The following MAP1B variants were observed in gnomAD, a reference collection of about 807,000 sequenced individuals.
The protein encoded by MAP1B is microtubule associated protein 1B, also known as microtubule-associated protein 1B.
In MAP1B, 12 loss-of-function variants were observed where a neutral mutation model predicts 176.1. That is an observed-to-expected ratio of 0.07 (90% CI 0.04 to 0.11). MAP1B has a LOEUF of 0.11. MAP1B is among the 10% of genes least tolerant of loss of function. MAP1B has a pLI of 1.00. For synonymous variants in MAP1B, 1,044 were observed against 1,135.0 expected (o/e 0.92, Z 1.61); for missense variants, 2,523 against 2,990.5 (o/e 0.84, Z 3.65).
chr5:72,157,513 G>A (rs901674480), intron 2 of MAP1B, among the ~76,000 whole-genome samples: 2 of 152,230 alleles, frequency 1.3e-5, no homozygotes, highest in African/African-American at 4.8e-5. Context: ...ATGGAGATGG[G>A]ATTCCCGGGG....
chr5:72,160,087 T>C (rs565431960), intron 2 of MAP1B, among the ~76,000 whole-genome samples: 1 of 152,298 alleles, frequency 6.6e-6, no homozygotes, highest in South Asian at 2.1e-4. Flanking sequence ...CATTCCTTTA[T>C]CTTCTTCCCC....
chr5:72,168,522 A>G (rs1746473808), intron 2 of MAP1B, among the ~76,000 whole-genome samples: 1 of 152,254 alleles, frequency 6.6e-6, no homozygotes, highest in Admixed American at 6.5e-5. Context: ...CCAATGGAGA[A>G]TAATGCAAGA....
At chr5:72,122,502 G>A (rs1296370964) in intron 2 of MAP1B, among the ~76,000 whole-genome samples, 1 of 152,070 alleles carries the variant, frequency 6.6e-6, no homozygotes, top group East Asian at 1.9e-4. Flanking sequence ...ACATACAAGG[G>A]AATTTTTTCC....
At chr5:72,193,014 T>C (rs571307751) in intron 4 of MAP1B, among the ~76,000 whole-genome samples, 4 of 152,338 alleles carry the variant, frequency 2.6e-5, no homozygotes, top group Admixed American at 2.6e-4. Flanking sequence ...CTGAAAAGAA[T>C]GGGAGCAGTA....
intron 2 of MAP1B, among the ~76,000 whole-genome samples, chr5:72,152,740 T>G (rs1277770432): frequency 6.6e-6 from 1 of 152,206 alleles, no homozygotes; most frequent in Admixed American, 6.5e-5. Context: ...GGCCCCATGG[T>G]ATTTTTATAG....
chr5:72,138,184 G>A (rs1477446350), intron 2 of MAP1B, among the ~76,000 whole-genome samples: 4 of 152,142 alleles, frequency 2.6e-5, no homozygotes, highest in Admixed American at 2.0e-4. Context: ...AGAAAAATAG[G>A]TGTAGGATAT....
chr5:72,165,280 T>C (rs755123565), intron 2 of MAP1B, among the ~76,000 whole-genome samples: 1 of 152,172 alleles, frequency 6.6e-6, no homozygotes, highest in Non-Finnish European at 1.5e-5. Context: ...CTGCCCCTAC[T>C]AGAATGGAAG....
rs1279068604 is a variant in MAP1B, at chr5:72,197,155, T to C, written c.3800T>C (p.Leu1267Ser). ...CTGAGTCCATCTCCACCATCACCCT[T>C]AGAAAAGACCCCCCTGGGTGAACGT... ...PSLSPSPPSP[L>S]EKTPLGERSV... Residue 1267 changes from leucine to serine, a missense_variant, in exon 5 of 7, where the codon TTA (leucine) becomes TCA (serine). Transcript: ENST00000296755. The C allele has an allele frequency of 1.2e-6, 2 of 1,614,164 alleles. No homozygotes were observed. Among genetic ancestry groups the C allele is most frequent in the Admixed American group, 3.3e-5 (2 of 60,020 alleles).
chr5:72,190,337 G>A (rs932736671), intron 4 of MAP1B, among the ~76,000 whole-genome samples: 1 of 152,154 alleles, frequency 6.6e-6, no homozygotes, highest in Non-Finnish European at 1.5e-5. Flanking sequence ...CCATGCCAAT[G>A]AGGTACCTTG....
intron 2 of MAP1B, among the ~76,000 whole-genome samples, chr5:72,134,246 G>C (rs1745789942): frequency 6.6e-6 from 1 of 152,162 alleles, no homozygotes; most frequent in African/African-American, 2.4e-5. Context: ...CTGAATCCAT[G>C]GTCAGTGAAG....
At chr5:72,182,511 T>A (rs1204303431) in intron 2 of MAP1B, among the ~76,000 whole-genome samples, 1 of 152,226 alleles carries the variant, frequency 6.6e-6, no homozygotes, top group East Asian at 1.9e-4. Context: ...ATTTGGCCAT[T>A]GTGAATAATG....
chr5:72,180,614 G>A (rs1166815425), intron 2 of MAP1B, among the ~76,000 whole-genome samples: 1 of 152,152 alleles, frequency 6.6e-6, no homozygotes, highest in Non-Finnish European at 1.5e-5. Context: ...TTTCTTTCCT[G>A]TGGTTTATTC....
At chr5:72,177,170 G>C (rs1285321870) in intron 2 of MAP1B, among the ~76,000 whole-genome samples, 1 of 152,178 alleles carries the variant, frequency 6.6e-6, no homozygotes, top group African/African-American at 2.4e-5. Context: ...GGCTGAGGTA[G>C]GTTTTTGCTC....
Position 72,197,743 on chromosome 5 carries a change from C to T in MAP1B, c.4388C>T (p.Thr1463Ile). 2 of 1,614,162 alleles carry T rather than the reference C, an allele frequency of 1.2e-6. No individual in the cohort carries two copies. Among genetic ancestry groups the T allele is most frequent in the Non-Finnish European group, 1.7e-6 (2 of 1,180,030 alleles). The change falls in exon 5 of 7, where the codon ACA becomes ATA. Residue 1463 changes from threonine to isoleucine, a missense_variant. By Grantham distance (89) the Thr-to-Ile change is moderately conservative. This residue lies in a region of MAP1B where 1,925 missense variants were observed against 2,126.0 expected (regional missense o/e 0.91). Transcript: ENST00000296755. ...CAAGACAAACAGGAAGGGAAAAGCA[C>T]AGACTTTGCACCAATAAAAGAAGAC... Reference protein sequence around the residue: ...LYQDKQEGKSTDFAPIKEDFG... With the variant: ...LYQDKQEGKSIDFAPIKEDFG...
chr5:72,147,085 C>G (rs1307145849), intron 2 of MAP1B, among the ~76,000 whole-genome samples: 4 of 151,824 alleles, frequency 2.6e-5, no homozygotes, highest in Admixed American at 6.6e-5. Context: ...CTCAGCCTCC[C>G]AAGTAGCTGG....
intron 1 of MAP1B, among the ~76,000 whole-genome samples, chr5:72,109,080 A>G (rs1357406576): frequency 1.3e-5 from 2 of 152,000 alleles, no homozygotes; most frequent in Non-Finnish European, 2.9e-5. Flanking sequence ...CGAAAGAAAA[A>G]CCTTGTTTTA....
intron 2 of MAP1B, among the ~76,000 whole-genome samples, chr5:72,181,570 G>C (rs1279798509): frequency 6.6e-6 from 1 of 151,964 alleles, no homozygotes; most frequent in Admixed American, 6.6e-5. Flanking sequence ...ATTTTATCAA[G>C]TTTTTGAGAC....
chr5:72,131,451 C>T (rs1476257988), intron 2 of MAP1B, among the ~76,000 whole-genome samples: 1 of 152,140 alleles, frequency 6.6e-6, no homozygotes, highest in African/African-American at 2.4e-5. Flanking sequence ...GTTATAATAG[C>T]ACATTTCTGA....
chr5:72,177,401 T>C (rs1403480684), intron 2 of MAP1B, among the ~76,000 whole-genome samples: 6 of 149,116 alleles, frequency 4.0e-5, no homozygotes, highest in Admixed American at 6.6e-5. Flanking sequence ...GAGAACCACC[T>C]GGGGGCTGCT....
Sources: gnomAD v4.1 joint callset for allele counts (sites outside exome capture counted in the v4.1 genomes callset) on GRCh38, gnomAD v4.1.1 for gene constraint, gnomAD v4.1.1 regional missense constraint, MANE v1.5 for transcripts, NCBI Gene and HGNC (gene_info 2026-07-23, HGNC 2026-07-21) for gene names.